EYS: variants seen among roughly 807,000 people sequenced by gnomAD.
EYS encodes the protein protein eyes shut homolog.
In EYS, 250 loss-of-function variants were observed where a neutral mutation model predicts 282.1. The ratio of observed to expected loss-of-function variants is 0.89; its 90% CI spans 0.80 to 0.98. EYS has a LOEUF of 0.98. Among genes scored for constraint, EYS ranks in the 50% least tolerant of loss-of-function variants. The pLI is 0.00. For synonymous variants in EYS, 1,355 were observed against 1,282.9 expected, an observed-to-expected ratio of 1.06 and a Z score of -1.20; for missense variants, 4,016 against 3,709.0, an observed-to-expected ratio of 1.08 and a Z score of -2.15.
chr6:65,565,568 T>C (rs1769247872), intron 2 of EYS, among the ~76,000 whole-genome samples: 1 of 152,052 alleles, frequency 6.6e-6, no homozygotes, highest in Non-Finnish European at 1.5e-5. Context: ...GAACCAGAAA[T>C]ACCATTTGAC....
chr6:65,492,824 C>T (rs1389076548), intron 4 of EYS, among the ~76,000 whole-genome samples: 1 of 152,148 alleles, frequency 6.6e-6, no homozygotes, highest in Non-Finnish European at 1.5e-5. Context: ...TGGTACTAAG[C>T]TATCAAGTTC....
intron 12 of EYS, among the ~76,000 whole-genome samples, chr6:65,245,523 T>C (rs535121701): frequency 5.9e-5 from 9 of 152,138 alleles, no homozygotes; most frequent in Non-Finnish European, 1.3e-4. Context: ...AAAAAAAGGC[T>C]GCCACCTCAG....
At chr6:64,303,890 A>C (rs114640978) in intron 30 of EYS, among the ~76,000 whole-genome samples, 4,430 of 149,892 alleles carry the variant, frequency 0.03, 212 homozygotes, top group African/African-American at 0.1. Flanking sequence ...GGCTGAAGTC[A>C]GCCTAATCCT....
chr6:64,669,230 AATCTT>A (rs1294644170), intron 22 of EYS, among the ~76,000 whole-genome samples: 1 of 152,220 alleles, frequency 6.6e-6, no homozygotes, highest in Admixed American at 6.5e-5. Flanking sequence ...ACCACATAAC[AATCTT>A]ATCTTACTTT....
At chr6:65,271,760 T>G (rs1767912538) in intron 12 of EYS, among the ~76,000 whole-genome samples, 2 of 151,984 alleles carry the variant, frequency 1.3e-5, no homozygotes, top group Non-Finnish European at 2.9e-5. Context: ...TTTTTTGTAT[T>G]TTTAGTAGAG....
At chr6:65,588,138 T>C (rs1472785106) in intron 2 of EYS, among the ~76,000 whole-genome samples, 4 of 152,062 alleles carry the variant, frequency 2.6e-5, no homozygotes, top group African/African-American at 9.7e-5. Flanking sequence ...GAGTATGAAA[T>C]TAGATAATGA....
chr6:65,542,463 TAAC>T (rs1768202103), intron 2 of EYS, among the ~76,000 whole-genome samples: 1 of 140,630 alleles, frequency 7.1e-6, no homozygotes, highest in Admixed American at 7.4e-5. Context: ...TGGCTATGGA[TAAC>T]AATAGAATGT....
intron 31 of EYS, among the ~76,000 whole-genome samples, chr6:64,124,440 G>A (rs1284719020): frequency 6.6e-6 from 1 of 152,166 alleles, no homozygotes; most frequent in Non-Finnish European, 1.5e-5. Flanking sequence ...TAAGCATCCA[G>A]TGTAACATAT....
intron 5 of EYS, among the ~76,000 whole-genome samples, chr6:65,428,597 C>G (rs965816644): frequency 6.6e-6 from 1 of 151,928 alleles, no homozygotes; most frequent in Non-Finnish European, 1.5e-5. Context: ...TCCTTCTTCT[C>G]AAGCCATTAA....
At chr6:64,564,367 T>A (rs1765495765) in intron 26 of EYS, among the ~76,000 whole-genome samples, 1 of 128,772 alleles carries the variant, frequency 7.8e-6, no homozygotes, top group African/African-American at 2.9e-5. Flanking sequence ...AACCTCTGCC[T>A]CCCGGGTTCA....
chr6:64,028,560 G>A (rs1418739028), intron 33 of EYS, among the ~76,000 whole-genome samples: 1 of 152,136 alleles, frequency 6.6e-6, no homozygotes, highest in African/African-American at 2.4e-5. Context: ...GGACCTCAAG[G>A]ATGCCTTCTT....
At chr6:64,742,041 G>C (rs1013434581) in intron 22 of EYS, among the ~76,000 whole-genome samples, 24 of 152,114 alleles carry the variant, frequency 1.6e-4, no homozygotes, top group African/African-American at 5.8e-4. Flanking sequence ...ATTTCAGCCT[G>C]TCTTGACTTT....
At chr6:64,969,915 A>G (rs1303862035) in intron 14 of EYS, among the ~76,000 whole-genome samples, 1 of 152,136 alleles carries the variant, frequency 6.6e-6, no homozygotes, top group Non-Finnish European at 1.5e-5. Context: ...CCAATCTCAT[A>G]CTATGTAAAA....
At chr6:65,627,889 G>A (rs572437896) in intron 2 of EYS, among the ~76,000 whole-genome samples, 21 of 152,318 alleles carry the variant, frequency 1.4e-4, no homozygotes, top group African/African-American at 3.4e-4. Context: ...GCTCTACGGC[G>A]CCCAGTCCCA....
chr6:65,652,453 A>T (rs1767687892), intron 1 of EYS, among the ~76,000 whole-genome samples: 1 of 151,876 alleles, frequency 6.6e-6, no homozygotes, highest in African/African-American at 2.4e-5. Flanking sequence ...GAGAAGTGTA[A>T]TGGTGGTGGC....
intron 13 of EYS, among the ~76,000 whole-genome samples, chr6:65,036,029 C>A (rs1459899595): frequency 2.7e-5 from 4 of 150,566 alleles, no homozygotes; most frequent in African/African-American, 9.7e-5. Context: ...CCAAAGCAAT[C>A]CTTAGCACAA....
At chr6:64,047,883 C>G (rs571548104) in intron 33 of EYS, among the ~76,000 whole-genome samples, 1 of 152,142 alleles carries the variant, frequency 6.6e-6, no homozygotes, top group African/African-American at 2.4e-5. Flanking sequence ...GATGTACTCT[C>G]CCTTGATTTT....
chr6:64,952,709 G>A (rs1044428470), intron 14 of EYS, among the ~76,000 whole-genome samples: 1 of 151,878 alleles, frequency 6.6e-6, no homozygotes, highest in Non-Finnish European at 1.5e-5. Flanking sequence ...CTTACTTACT[G>A]TTTTAGATTT....
intron 39 of EYS, 89 bp from the exon 40 acceptor site, chr6:63,778,269 G>A: frequency 1.5e-6 from 2 of 1,340,356 alleles, no homozygotes; most frequent in Admixed American, 4.2e-5. Flanking sequence ...TAAAGTAGAA[G>A]TTTTTCAAAA....
Sources: allele counts gnomAD v4.1 joint callset (sites outside exome capture counted in the v4.1 genomes callset), GRCh38; gene constraint gnomAD v4.1.1; transcripts MANE v1.5; gene names NCBI Gene and HGNC (gene_info 2026-07-23, HGNC 2026-07-21).